Variants in KLHL25 observed in about 807,000 individuals in gnomAD.
KLHL25 encodes the protein kelch like family member 25.
KLHL25 carries 41 observed loss-of-function variants against 30.0 expected under a neutral mutation model. The observed-to-expected ratio is 1.37, with a 90% CI of 1.07 to 1.78. The LOEUF (loss-of-function observed/expected upper bound fraction) is 1.78, where lower values mean the gene tolerates loss of function less well. KLHL25 is among the 40% of genes most tolerant of loss of function. The pLI, the probability that KLHL25 is intolerant of heterozygous loss-of-function variation, is 0.00. For synonymous variants in KLHL25, 399 were observed against 355.3 expected (o/e 1.12, Z -1.38); for missense variants, 971 against 824.5 (o/e 1.18, Z -2.18).
At chr15:85,791,627 GT>G (rs2089817715) in intron 1 of KLHL25, among the ~76,000 whole-genome samples, 1 of 152,010 alleles carries the variant, frequency 6.6e-6, no homozygotes, top group Non-Finnish European at 1.5e-5. Context: ...GGGGGCGGGG[GT>G]GAGGTGACTG....
chr15:85,789,843 C>T lies in KLHL25; in HGVS notation c.-11+4923G>A, dbSNP rs1295114051. Among the ~76,000 whole-genome samples, 1 of 152,158 alleles carries T rather than the reference C, an allele frequency of 6.6e-6. No homozygotes were observed. Among genetic ancestry groups the T allele is most frequent in the South Asian group, 2.1e-4 (1 of 4,826 alleles). On this transcript the variant is annotated intron_variant, in intron 1 of 2. Transcript: ENST00000337975. The surrounding 1 kb of genome is among the most constrained non-coding windows in gnomAD (Gnocchi z 4.1). ...AGTCTTCTGTCTCCACCAGCCCCTT[C>T]GCAGGAGGCCTCAAACTCTGAGGCA...
chr15:85,765,389 G>A (rs2089613668), intron 2 of KLHL25, among the ~76,000 whole-genome samples: 1 of 152,168 alleles, frequency 6.6e-6, no homozygotes, highest in Non-Finnish European at 1.5e-5. Context: ...ACTTTGGAAG[G>A]CCGAGGCGGG....
intron 2 of KLHL25, chr15:85,761,299 G>C (rs1306734048): frequency 6.6e-6 from 1 of 152,414 alleles, no homozygotes; most frequent in African/African-American, 2.4e-5. Context: ...CAGGCGGCTT[G>C]GTACTTGATT....
At chr15:85,790,506 A>T (rs184298409) in intron 1 of KLHL25, among the ~76,000 whole-genome samples, 1 of 152,350 alleles carries the variant, frequency 6.6e-6, no homozygotes, top group Admixed American at 6.5e-5. Context: ...AGAGCTTGCA[A>T]GAACTTTTGA....
intron 1 of KLHL25, among the ~76,000 whole-genome samples, chr15:85,775,197 G>A (rs73456392): frequency 6.6e-6 from 1 of 152,126 alleles, no homozygotes; most frequent in Non-Finnish European, 1.5e-5. Context: ...TTTTAGGTTT[G>A]CCAGTGTACC....
chr15:85,783,962 G>A (rs914467421), intron 1 of KLHL25, among the ~76,000 whole-genome samples: 4 of 152,114 alleles, frequency 2.6e-5, no homozygotes, highest in African/African-American at 4.8e-5. Flanking sequence ...TCCTGACCTC[G>A]AGGTACCATC....
chr15:85,778,159 A>T (rs1400048932), intron 1 of KLHL25, among the ~76,000 whole-genome samples: 1 of 152,228 alleles, frequency 6.6e-6, no homozygotes, highest in African/African-American at 2.4e-5. Context: ...CAGATGACAG[A>T]GCTGCCACCA....
chr15:85,782,521 C>G (rs895998676), intron 1 of KLHL25, among the ~76,000 whole-genome samples: 52 of 151,884 alleles, frequency 3.4e-4, no homozygotes, highest in African/African-American at 1.2e-3. Context: ...AGCTCTCCCC[C>G]TCCCTTCCTC....
intron 1 of KLHL25, among the ~76,000 whole-genome samples, chr15:85,793,405 A>G (rs917265224): frequency 9.2e-5 from 14 of 152,294 alleles, no homozygotes; most frequent in Admixed American, 8.5e-4. Flanking sequence ...GACTACGTCA[A>G]CCTTCACAGG....
At chr15:85,790,019 G>A (rs2089806444) in intron 1 of KLHL25, among the ~76,000 whole-genome samples, 1 of 152,198 alleles carries the variant, frequency 6.6e-6, no homozygotes, top group Non-Finnish European at 1.5e-5. Flanking sequence ...AGATCCCAGA[G>A]AAAGTAACTT....
intron 2 of KLHL25, chr15:85,762,646 C>T (rs2089590906): frequency 6.6e-6 from 1 of 152,432 alleles, no homozygotes; most frequent in South Asian, 2.1e-4. Context: ...GCCTGCCCCA[C>T]TAGGCTCAGC....
chr15:85,781,112 A>T (rs1444706366), intron 1 of KLHL25, among the ~76,000 whole-genome samples: 1 of 152,108 alleles, frequency 6.6e-6, no homozygotes, highest in Non-Finnish European at 1.5e-5. Context: ...AGGTAGGTGG[A>T]TCACCTGAGG....
chr15:85,774,714 C>T lies in KLHL25; in HGVS notation c.-10-4894G>A, dbSNP rs1233911272. On this transcript the variant is annotated intron_variant, in intron 1 of 2. Coordinates refer to ENST00000337975, the MANE Select transcript of KLHL25 (RefSeq NM_022480.4). Reference sequence around the variant, plus strand: ...AGGGTGTCAGCTCCATCATTCTTCACTACAGGATGGGGAAACGAGAGAGGC... The same window carrying T: ...AGGGTGTCAGCTCCATCATTCTTCATTACAGGATGGGGAAACGAGAGAGGC... 2.0e-5 allele frequency among the ~76,000 whole-genome samples: 3 copies of T among 152,070 alleles called. No homozygotes were observed. The East Asian group carries it at 5.8e-4, about 29-fold the overall frequency.
At chr15:85,792,675 C>T (rs1179363731) in intron 1 of KLHL25, among the ~76,000 whole-genome samples, 1 of 152,208 alleles carries the variant, frequency 6.6e-6, no homozygotes, top group Non-Finnish European at 1.5e-5. Context: ...ATGGCCTCAA[C>T]CTGTGCCTAT....
chr15:85,777,282 C>G (rs1268286921), intron 1 of KLHL25, among the ~76,000 whole-genome samples: 1 of 152,228 alleles, frequency 6.6e-6, no homozygotes, highest in Non-Finnish European at 1.5e-5. Context: ...AGAACCACAG[C>G]CCTTCCGCAG....
At chr15:85,761,638 T>A (rs1311233234) in intron 2 of KLHL25, 1 of 150,064 alleles carries the variant, frequency 6.7e-6, no homozygotes, top group Non-Finnish European at 1.5e-5. Flanking sequence ...TCAGCCTCTA[T>A]CACCAAGTGA....
At chr15:85,791,867 C>G (rs759952572) in intron 1 of KLHL25, among the ~76,000 whole-genome samples, 1 of 152,164 alleles carries the variant, frequency 6.6e-6, no homozygotes, top group Non-Finnish European at 1.5e-5. Context: ...TGATCACAGA[C>G]CCACAGCATT....
chr15:85,766,445 C>T (rs1024611055), intron 2 of KLHL25, among the ~76,000 whole-genome samples: 29 of 152,210 alleles, frequency 1.9e-4, no homozygotes, highest in African/African-American at 6.8e-4. Flanking sequence ...TCTCTGGCAT[C>T]TACCCCAGTA....
rs1421495691 is a variant in KLHL25, at chr15:85,768,577, T to C, written c.1234A>G (p.Lys412Glu). The C allele has an allele frequency of 1.9e-6, 3 of 1,612,108 alleles. No individual in the cohort carries two copies. Among genetic ancestry groups the C allele is most frequent in the Non-Finnish European group, 2.5e-6 (3 of 1,178,576 alleles). The change falls in exon 2 of 3, where the codon AAA becomes GAA. Residue 412 changes from lysine (K) to glutamate (E), a missense_variant. Transcript: ENST00000337975. Reference protein sequence around the residue: ...VFPASPSVSLKQVEKYDPGAN... With the variant: ...VFPASPSVSLEQVEKYDPGAN... ...CCAGGGTCGTATTTCTCCACTTGTT[T>C]CAGGGAGACAGAAGGCGAGGCCGGG...
Sources: gnomAD v4.1 joint callset for allele counts (sites outside exome capture counted in the v4.1 genomes callset) on GRCh38, gnomAD v4.1.1 for gene constraint, Gnocchi (gnomAD v3.1) non-coding constraint, MANE v1.5 for transcripts, NCBI Gene and HGNC (gene_info 2026-07-23, HGNC 2026-07-21) for gene names.